The following CACNB2 variants were observed in gnomAD, a reference collection of about 807,000 sequenced individuals.
CACNB2 encodes the protein calcium voltage-gated channel auxiliary subunit beta 2, also known as voltage-dependent L-type calcium channel subunit beta-2.
In CACNB2, 42 loss-of-function variants were observed where a neutral mutation model predicts 73.3. The observed-to-expected ratio is 0.57, with a 90% confidence interval of 0.45 to 0.74. The LOEUF (loss-of-function observed/expected upper bound fraction) is 0.74. Among genes scored for constraint, CACNB2 ranks in the 30% least tolerant of loss-of-function variants. CACNB2 has a pLI of 0.00. For synonymous variants in CACNB2, 348 were observed against 310.3 expected, an observed-to-expected ratio of 1.12 and a Z score of -1.28; for missense variants, 940 against 853.0, an observed-to-expected ratio of 1.10 and a Z score of -1.27.
At chr10:18,440,402 G>A (rs2046356496) in intron 3 of CACNB2, among the ~76,000 whole-genome samples, 2 of 152,182 alleles carry the variant, frequency 1.3e-5, no homozygotes, top group Admixed American at 1.3e-4. Flanking sequence ...AAGCGCAGTG[G>A]CTCACACCAG....
intron 2 of CACNB2, among the ~76,000 whole-genome samples, chr10:18,152,419 C>G (rs947113991): frequency 6.6e-6 from 1 of 151,902 alleles, no homozygotes; most frequent in Non-Finnish European, 1.5e-5. Flanking sequence ...GAGGCTCAAC[C>G]CTAGAGCTAT....
intron 2 of CACNB2, among the ~76,000 whole-genome samples, chr10:18,196,859 T>C (rs535480437): frequency 6.6e-6 from 1 of 152,288 alleles, no homozygotes; most frequent in East Asian, 1.9e-4. Flanking sequence ...TGGCCTTCAA[T>C]TACTAGTCAA....
chr10:18,473,999 T>A (rs888195737), intron 3 of CACNB2, among the ~76,000 whole-genome samples: 1 of 152,170 alleles, frequency 6.6e-6, no homozygotes, highest in Admixed American at 6.5e-5. Flanking sequence ...CATTTTAAAA[T>A]GCGAGGGTTG....
At chr10:18,303,956 T>G (rs1185783751) in intron 2 of CACNB2, among the ~76,000 whole-genome samples, 1 of 152,206 alleles carries the variant, frequency 6.6e-6, no homozygotes, top group South Asian at 2.1e-4. Flanking sequence ...TTTTTATTTT[T>G]TATTAGTATT....
chr10:18,330,201 G>A lies in CACNB2; in HGVS notation c.214-71723G>A, dbSNP rs368374339. Among the ~76,000 whole-genome samples the A allele has an allele frequency of 4.6e-5, 7 of 151,984 alleles. No individual in the cohort carries two copies. In the East Asian group the frequency reaches 7.7e-4, roughly 17 times the overall value. On this transcript the variant is annotated intron_variant, in intron 2 of 13. Coordinates refer to ENST00000324631, the MANE Select transcript of CACNB2 (RefSeq NM_201596.3). ...ATAACACAAAGAAGTCCTAAAAATCGCATTCATTATTTAATACTCAAAATA... is the reference window on the plus strand; with the variant it reads ...ATAACACAAAGAAGTCCTAAAAATCACATTCATTATTTAATACTCAAAATA...
intron 2 of CACNB2, among the ~76,000 whole-genome samples, chr10:18,176,429 A>T (rs1461806373): frequency 6.6e-6 from 1 of 152,154 alleles, no homozygotes; most frequent in Non-Finnish European, 1.5e-5. Flanking sequence ...GTGTAGGAAC[A>T]TATTGTTCTT....
At chr10:18,479,611 A>G (rs1437526497) in intron 3 of CACNB2, among the ~76,000 whole-genome samples, 1 of 152,192 alleles carries the variant, frequency 6.6e-6, no homozygotes, top group Non-Finnish European at 1.5e-5. Flanking sequence ...TGATTGGATC[A>G]TGGGGGTGGA....
intron 2 of CACNB2, among the ~76,000 whole-genome samples, chr10:18,246,202 A>G (rs1704342804): frequency 6.6e-6 from 1 of 152,188 alleles, no homozygotes; most frequent in Non-Finnish European, 1.5e-5. Flanking sequence ...GCCAGTTAGG[A>G]ACCTCTAGGC....
At chr10:18,481,532 C>T (rs1276495361) in intron 3 of CACNB2, among the ~76,000 whole-genome samples, 1 of 151,706 alleles carries the variant, frequency 6.6e-6, no homozygotes, top group African/African-American at 2.4e-5. Flanking sequence ...CAGACGTGAG[C>T]CACCGTACCC....
intron 2 of CACNB2, chr10:18,400,588 A>G: frequency 2.0e-6 from 2 of 1,022,842 alleles, no homozygotes; most frequent in Non-Finnish European, 2.3e-6. Flanking sequence ...ATCTCCAAAG[A>G]TAAGGCTTGA....
chr10:18,488,139 A>G (rs2049169529), intron 3 of CACNB2, among the ~76,000 whole-genome samples: 2 of 151,742 alleles, frequency 1.3e-5, no homozygotes, highest in Admixed American at 1.3e-4. Context: ...TAGATGGTGA[A>G]AAAGAGATGT....
rs1554820415 is a variant in CACNB2 at position 18,443,018 on chromosome 10, A to ATATATATG, written c.333+40982_333+40983insGTATATAT. Among the ~76,000 whole-genome samples, 75 of 69,980 alleles carry ATATATATG rather than the reference A, an allele frequency of 1.1e-3. 8 individuals carry two copies. Among genetic ancestry groups the ATATATATG allele is most frequent in the Non-Finnish European group, 1.8e-3 (63 of 34,148 alleles). 45.9% of individuals were successfully genotyped at this position (69,980 alleles called of 152,430 possible). A position where few individuals can be genotyped will look rare whatever the true frequency, so the allele number is the denominator to read the frequency against. Reference sequence around the variant, plus strand: ...TATATGTGTATATATATATATGTATATATATATATATATATATAAATAAGG... The same window carrying ATATATATG: ...TATATGTGTATATATATATATGTATATATATATGTATATATATATATATATAAATAAGG... On this transcript the variant is annotated intron_variant, in intron 3 of 13. Coordinates refer to ENST00000324631, the MANE Select transcript of CACNB2 (RefSeq NM_201596.3).
chr10:18,476,443 G>C (rs71497249), intron 3 of CACNB2, among the ~76,000 whole-genome samples: 18,390 of 152,122 alleles, frequency 0.12, 1,266 homozygotes, highest in Admixed American at 0.18. Flanking sequence ...AATTTTGTGG[G>C]GTTTACGTAC....
At chr10:18,237,854 T>G (rs540890328) in intron 2 of CACNB2, among the ~76,000 whole-genome samples, 2 of 152,274 alleles carry the variant, frequency 1.3e-5, no homozygotes, top group East Asian at 3.9e-4. Context: ...GGAATGATGG[T>G]AGAAAGGTAG....
Position 18,542,468 on chromosome 10 carries a change from T to C in CACNB2, c.*2744T>C, listed in dbSNP as rs1040665074. ...ATTATTTCATCCCAATTAATGATTT[T>C]AGAATATTTAAATTCTTGAAACATA... is the stretch of plus-strand genomic sequence containing the variant. On this transcript the variant is annotated 3_prime_UTR_variant, in exon 14 of 14. Transcript: ENST00000324631. 1 of 152,250 alleles carries C rather than the reference T, an allele frequency of 6.6e-6. No individual in the cohort carries two copies. Among genetic ancestry groups the C allele is most frequent in the African/African-American group, 2.4e-5 (1 of 41,466 alleles). 9.4% of individuals were successfully genotyped at this position (152,250 alleles called of 1,614,324 possible). A position where few individuals can be genotyped will look rare whatever the true frequency, so the allele number is the denominator to read the frequency against.
intron 2 of CACNB2, among the ~76,000 whole-genome samples, chr10:18,314,269 TTAATC>T (rs2040070440): frequency 6.6e-6 from 1 of 152,220 alleles, no homozygotes; most frequent in African/African-American, 2.4e-5. Context: ...AGCTGTATAA[TTAATC>T]CACCTATCAA....
intron 3 of CACNB2, among the ~76,000 whole-genome samples, chr10:18,425,197 C>A (rs1414791575): frequency 6.6e-6 from 1 of 152,114 alleles, no homozygotes; most frequent in East Asian, 1.9e-4. Flanking sequence ...TTTCTATAAA[C>A]GTACAAGAGG....
intron 2 of CACNB2, among the ~76,000 whole-genome samples, chr10:18,383,032 G>A (rs1354060156): frequency 6.6e-6 from 1 of 152,078 alleles, no homozygotes; most frequent in East Asian, 1.9e-4. Flanking sequence ...ACTCATGATG[G>A]CATTTCCCAC....
chr10:18,349,471 C>T (rs1478396782), intron 2 of CACNB2, among the ~76,000 whole-genome samples: 2 of 152,166 alleles, frequency 1.3e-5, no homozygotes, highest in Non-Finnish European at 2.9e-5. Flanking sequence ...ATTTCCACAA[C>T]TGAGTTTGCC....
Sources: gnomAD v4.1 joint callset for allele counts (sites outside exome capture counted in the v4.1 genomes callset) on GRCh38, gnomAD v4.1.1 for gene constraint, MANE v1.5 for transcripts, NCBI Gene and HGNC (gene_info 2026-07-23, HGNC 2026-07-21) for gene names.